GRM5: variants seen among roughly 807,000 people sequenced by gnomAD.
GRM5 encodes metabotropic glutamate receptor 5.
Under a neutral mutation model 83.1 loss-of-function variants are expected in GRM5, and 19 were observed. That is an observed-to-expected ratio of 0.23 (90% confidence interval 0.16 to 0.34). The LOEUF (loss-of-function observed/expected upper bound fraction) is 0.34, where lower values mean the gene tolerates loss of function less well. Among genes scored for constraint, GRM5 ranks in the 10% least tolerant of loss-of-function variants. The pLI is 1.00. For missense variants in GRM5, 1,160 were observed against 1,588.3 expected (o/e 0.73, Z 4.58); for synonymous variants, 675 against 633.6 (o/e 1.07, Z -0.98).
Position 88,617,095 on chromosome 11 carries a change from C to T in GRM5, c.1148-12131G>A, listed in dbSNP as rs566704475. Among the ~76,000 whole-genome samples the T allele has an allele frequency of 5.9e-5, 9 of 152,292 alleles. No individual in the cohort carries two copies. The South Asian group carries it at 1.9e-3, about 32-fold the overall frequency. ...GTCAGTTTACCAGACAGAAAGCATT[C>T]CTTTGTAGAACAGCACTTGTTTAAA... On this transcript the variant is annotated intron_variant, in intron 4 of 9. Coordinates refer to ENST00000305447, the MANE Select transcript of GRM5 (RefSeq NM_001143831.3).
chr11:88,795,641 C>A (rs1267491743), intron 3 of GRM5, among the ~76,000 whole-genome samples: 3 of 152,074 alleles, frequency 2.0e-5, no homozygotes. Flanking sequence ...CATGACAACC[C>A]TATCAATGAG....
Position 88,556,384 on chromosome 11 carries a change from G to A in GRM5, c.2630+10669C>T, listed in dbSNP as rs561712460. Among the ~76,000 whole-genome samples the A allele has an allele frequency of 6.0e-5, 9 of 148,992 alleles. No homozygotes were observed. The East Asian group carries it at 7.9e-4, about 13-fold the overall frequency. The stretch of plus-strand genomic sequence containing the variant: ...GTCACCTAGGCTGGAGTGCAATGGC[G>A]CAATCTTGGCTCACTGCAATCTCCA... On this transcript the variant is annotated intron_variant, in intron 8 of 9. Transcript: ENST00000305447.
At chr11:88,921,703 A>G (rs1325834597) in intron 2 of GRM5, among the ~76,000 whole-genome samples, 2 of 152,252 alleles carry the variant, frequency 1.3e-5, no homozygotes, top group African/African-American at 4.8e-5. Context: ...GGAACAAGAT[A>G]AGGATGCCTA....
chr11:88,615,344 CTTA>C (rs372908870), intron 4 of GRM5, among the ~76,000 whole-genome samples: 1 of 152,074 alleles, frequency 6.6e-6, no homozygotes, highest in African/African-American at 2.4e-5. Context: ...TTTGTAATTT[CTTA>C]TTAAGTCATT....
intron 3 of GRM5, among the ~76,000 whole-genome samples, chr11:88,797,991 C>T (rs1356327444): frequency 6.6e-6 from 1 of 151,896 alleles, no homozygotes; most frequent in African/African-American, 2.4e-5. Flanking sequence ...TTTTTCCTTC[C>T]ATGCATATTA....
At chr11:88,546,380 A>T (rs1300725701) in intron 8 of GRM5, among the ~76,000 whole-genome samples, 3 of 152,102 alleles carry the variant, frequency 2.0e-5, no homozygotes, top group Admixed American at 2.0e-4. Context: ...TTTCTGGCAC[A>T]CAGCATATTC....
chr11:88,708,197 C>A (rs533441967), intron 3 of GRM5, among the ~76,000 whole-genome samples: 1 of 151,984 alleles, frequency 6.6e-6, no homozygotes. Flanking sequence ...CTCCTGCTTG[C>A]CAACATGTTG....
At chr11:88,986,281 C>A (rs777919311) in intron 2 of GRM5, among the ~76,000 whole-genome samples, 1 of 152,030 alleles carries the variant, frequency 6.6e-6, no homozygotes, top group African/African-American at 2.4e-5. Context: ...ATATAACATT[C>A]TTGAAATGAC....
intron 2 of GRM5, among the ~76,000 whole-genome samples, chr11:88,864,674 C>A (rs1944629113): frequency 6.6e-6 from 1 of 151,994 alleles, no homozygotes; most frequent in Non-Finnish European, 1.5e-5. Context: ...TTTCTCTTGG[C>A]TGATTACCCT....
intron 2 of GRM5, among the ~76,000 whole-genome samples, chr11:89,038,151 TTG>T (rs35505173): frequency 0.41 from 59,532 of 144,434 alleles, 11,775 homozygotes; most frequent in East Asian, 0.51. Context: ...TAGAATCTCA[TTG>T]TGTGTGTGTG....
chr11:88,506,372 G>A lies in GRM5; in HGVS notation c.*2220C>T, dbSNP rs1451854399. 6.6e-6 allele frequency: 1 copy of A among 152,172 alleles called. No individual in the cohort carries two copies. Among genetic ancestry groups the A allele is most frequent in the African/African-American group, 2.4e-5 (1 of 41,452 alleles). 9.4% of individuals were successfully genotyped at this position (152,172 alleles called of 1,614,324 possible). On this transcript the variant is annotated 3_prime_UTR_variant, in exon 10 of 10. Transcript: ENST00000305447. Reference sequence around the variant, plus strand: ...TATAAAACAAATTTTAAAATGTAGAGCATATCAAGAAAGGTTTTTAATACC... The same window carrying A: ...TATAAAACAAATTTTAAAATGTAGAACATATCAAGAAAGGTTTTTAATACC...
At chr11:88,854,683 T>G (rs1175690120) in intron 2 of GRM5, among the ~76,000 whole-genome samples, 2 of 151,980 alleles carry the variant, frequency 1.3e-5, no homozygotes, top group Non-Finnish European at 2.9e-5. Flanking sequence ...TTGGGTACAA[T>G]GTTCACATCT....
At position 88,509,195 on chromosome 11, in the gene GRM5, C is replaced by T. The variant is rs1430207352; in HGVS notation, c.3036G>A (p.Ala1012=). The change falls in exon 10 of 10, where the codon GCG becomes GCA. Residue 1012 remains alanine, a synonymous_variant. Transcript: ENST00000305447. ...GCGACGGTGAGCGCGGCCGCGCGGG[C>T]GCCGGGAAGTGCTCCTCAGCCTCGG... ...DVAEAEEHFP[A]PARPRSPSPI... The T allele has an allele frequency of 2.6e-6, 4 of 1,533,678 alleles. No individual in the cohort carries two copies. Among genetic ancestry groups the T allele is most frequent in the Non-Finnish European group, 1.8e-6 (2 of 1,142,690 alleles).
intron 3 of GRM5, among the ~76,000 whole-genome samples, chr11:88,763,201 A>G (rs536104271): frequency 6.6e-6 from 1 of 151,996 alleles, no homozygotes; most frequent in African/African-American, 2.4e-5. Flanking sequence ...GGGAGATATT[A>G]AGACATTCTA....
At chr11:88,615,690 G>A (rs1938458265) in intron 4 of GRM5, among the ~76,000 whole-genome samples, 1 of 151,666 alleles carries the variant, frequency 6.6e-6, no homozygotes. Flanking sequence ...GTGAATAGCT[G>A]GCAAGCTTAG....
At chr11:89,041,023 T>C (rs1192078677) in intron 2 of GRM5, among the ~76,000 whole-genome samples, 4 of 152,186 alleles carry the variant, frequency 2.6e-5, no homozygotes, top group Non-Finnish European at 5.9e-5. Flanking sequence ...TCCCCAGCAT[T>C]CCTTATGCAG....
intron 3 of GRM5, among the ~76,000 whole-genome samples, chr11:88,696,633 T>TAC (rs1235672494): frequency 4.6e-5 from 7 of 152,220 alleles, no homozygotes; most frequent in Non-Finnish European, 1.0e-4. Flanking sequence ...TGATATTTGA[T>TAC]AATGAAGCCC....
chr11:88,686,630 G>A (rs1264375862), intron 3 of GRM5, among the ~76,000 whole-genome samples: 1 of 152,078 alleles, frequency 6.6e-6, no homozygotes, highest in East Asian at 1.9e-4. Flanking sequence ...GGAACTAGTG[G>A]GAGATAATTT....
intron 2 of GRM5, among the ~76,000 whole-genome samples, chr11:88,860,754 A>G (rs986791231): frequency 4.6e-5 from 7 of 152,318 alleles, no homozygotes; most frequent in African/African-American, 1.4e-4. Context: ...TTGGATTCAG[A>G]AATGAGAAGG....
Sources: allele counts gnomAD v4.1 joint callset (sites outside exome capture counted in the v4.1 genomes callset), GRCh38; gene constraint gnomAD v4.1.1; transcripts MANE v1.5; gene names NCBI Gene and HGNC (gene_info 2026-07-23, HGNC 2026-07-21).